The following FAM151B variants were observed in gnomAD, a reference collection of about 807,000 sequenced individuals.
FAM151B encodes the protein family with sequence similarity 151 member B.
A neutral mutation model predicts 31.2 loss-of-function variants in FAM151B; 24 were observed. The ratio of observed to expected loss-of-function variants is 0.77; its 90% CI spans 0.56 to 1.08. The LOEUF (loss-of-function observed/expected upper bound fraction) is 1.08. Ranked by LOEUF, FAM151B falls within the 50% of genes least tolerant of loss-of-function variation. The pLI is 0.00. For missense variants in FAM151B, 293 were observed against 328.6 expected, an observed-to-expected ratio of 0.89 and a Z score of 0.84; for synonymous variants, 105 against 111.4, an observed-to-expected ratio of 0.94 and a Z score of 0.36.
At chr5:80,521,277 A>G (rs1301145329) in intron 4 of FAM151B, among the ~76,000 whole-genome samples, 2 of 151,428 alleles carry the variant, frequency 1.3e-5, no homozygotes, top group African/African-American at 4.9e-5. Flanking sequence ...GGCATACACC[A>G]TCACACACAG....
chr5:80,517,378 A>G (rs558736081), intron 3 of FAM151B, among the ~76,000 whole-genome samples: 27 of 152,268 alleles, frequency 1.8e-4, no homozygotes, highest in African/African-American at 6.5e-4. Flanking sequence ...GATAAGGTGG[A>G]CTACTGTAGA....
At chr5:80,503,072 A>C (rs1324435638) in intron 2 of FAM151B, among the ~76,000 whole-genome samples, 1 of 152,188 alleles carries the variant, frequency 6.6e-6, no homozygotes, top group East Asian at 1.9e-4. Flanking sequence ...AACCTTCTGA[A>C]TACGCTAAAT....
At chr5:80,504,514 C>CT (rs11340979) in intron 2 of FAM151B, among the ~76,000 whole-genome samples, 761 of 58,736 alleles carry the variant, frequency 0.013, 47 homozygotes, top group African/African-American at 0.03. Flanking sequence ...GACTATTACT[C>CT]TTTTTTTTTT....
At chr5:80,538,644 T>C (rs1043763058) in intron 5 of FAM151B, among the ~76,000 whole-genome samples, 1 of 150,324 alleles carries the variant, frequency 6.7e-6, no homozygotes, top group African/African-American at 2.5e-5. Flanking sequence ...TTGCCCAGAC[T>C]GGAGTGCAGT....
At chr5:80,490,763 C>T (rs1360847838) in intron 1 of FAM151B, among the ~76,000 whole-genome samples, 1 of 152,036 alleles carries the variant, frequency 6.6e-6, no homozygotes, top group Non-Finnish European at 1.5e-5. Flanking sequence ...TTTTTATGGC[C>T]AAAAAAGGAA....
At chr5:80,523,574 ATATC>A (rs952354228) in intron 5 of FAM151B, among the ~76,000 whole-genome samples, 53 of 152,300 alleles carry the variant, frequency 3.5e-4, no homozygotes, top group African/African-American at 9.6e-4. Flanking sequence ...AACATTCTAA[ATATC>A]TATCAGTCAG....
chr5:80,494,456 T>TTTCTTTCTTTTCTTTTCTTTC (rs753640131), intron 1 of FAM151B, among the ~76,000 whole-genome samples: 23 of 82,734 alleles, frequency 2.8e-4, no homozygotes, highest in African/African-American at 9.2e-4. Flanking sequence ...TCTTTCTTTC[T>TTTCTTTCTTTTCTTTTCTTTC]TTTCTTTCTT....
chr5:80,532,006 G>T (rs1484030714), intron 5 of FAM151B, among the ~76,000 whole-genome samples: 1 of 149,056 alleles, frequency 6.7e-6, no homozygotes, highest in African/African-American at 2.6e-5. Flanking sequence ...ATCAATGATA[G>T]ACTGGATTAA....
chr5:80,538,485 TCCTTCCTTC>T lies in FAM151B; in HGVS notation c.672-3186_672-3178del, dbSNP rs1561383848. 3.0e-4 allele frequency among the ~76,000 whole-genome samples: 40 copies of T among 134,052 alleles called. 1 individual carries two copies. Among genetic ancestry groups the T allele is most frequent in the African/African-American group, 1.2e-3 (39 of 33,422 alleles). 87.9% of individuals were successfully genotyped at this position (134,052 alleles called of 152,430 possible). On this transcript the variant is annotated intron_variant, in intron 5 of 5. Transcript: ENST00000282226. The stretch of plus-strand genomic sequence containing the variant: ...TTCTTTCTTTCTTTCTTTCTTTCTT[TCCTTCCTTC>T]CTTCCTTTCTTTTCTTTCTTTCCTT...
rs193238950 is a variant in FAM151B at position 80,504,858 on chromosome 5, G to C, written c.151+2941G>C. On this transcript the variant is annotated intron_variant, in intron 2 of 5. Coordinates refer to ENST00000282226, the MANE Select transcript of FAM151B (RefSeq NM_205548.3). ...CCTTTATAACCACACTGATAAAGGA[G>C]ACCTACAACCCCCTTCCCCAACTTC... Among the ~76,000 whole-genome samples, 385 of 152,164 alleles carry C rather than the reference G, an allele frequency of 2.5e-3. 2 individuals carry two copies. Among genetic ancestry groups the C allele is most frequent in the Non-Finnish European group, 4.5e-3 (306 of 67,994 alleles).
chr5:80,512,387 T>C (rs1053223676), intron 2 of FAM151B, among the ~76,000 whole-genome samples: 1 of 152,242 alleles, frequency 6.6e-6, no homozygotes, highest in African/African-American at 2.4e-5. Context: ...TGTTTATGCT[T>C]GCAAAAATGT....
intron 2 of FAM151B, chr5:80,506,151 T>C: frequency 1.0e-6 from 1 of 980,586 alleles, no homozygotes; most frequent in East Asian, 1.1e-4. Context: ...TACAATAAGT[T>C]AATCAGCACT....
intron 5 of FAM151B, among the ~76,000 whole-genome samples, chr5:80,526,543 T>C (rs555320610): frequency 6.6e-6 from 1 of 151,966 alleles, no homozygotes; most frequent in African/African-American, 2.4e-5. Flanking sequence ...TCGCTTGAAT[T>C]TGGGAGATGG....
At chr5:80,504,720 AT>A (rs917174905) in intron 2 of FAM151B, among the ~76,000 whole-genome samples, 11 of 151,922 alleles carry the variant, frequency 7.2e-5, no homozygotes, top group Admixed American at 5.9e-4. Flanking sequence ...GGGTTTCACC[AT>A]GTTGGCTAGG....
chr5:80,529,930 A>G (rs1334633485), intron 5 of FAM151B, among the ~76,000 whole-genome samples: 1 of 152,110 alleles, frequency 6.6e-6, no homozygotes, highest in Non-Finnish European at 1.5e-5. Context: ...CAAAGACACA[A>G]CAAAAAAAGA....
intron 1 of FAM151B, among the ~76,000 whole-genome samples, chr5:80,494,844 C>A (rs927367664): frequency 2.6e-5 from 4 of 151,526 alleles, no homozygotes; most frequent in Non-Finnish European, 5.9e-5. Flanking sequence ...AATAAAACAG[C>A]CTTCTATTGT....
intron 3 of FAM151B, among the ~76,000 whole-genome samples, chr5:80,514,359 C>T (rs1744323012): frequency 6.6e-6 from 1 of 151,968 alleles, no homozygotes; most frequent in East Asian, 1.9e-4. Flanking sequence ...CCTGTAATCA[C>T]AGCTACTGGG....
At chr5:80,511,459 AAG>A (rs1489254701) in intron 2 of FAM151B, among the ~76,000 whole-genome samples, 2 of 150,062 alleles carry the variant, frequency 1.3e-5, no homozygotes, top group African/African-American at 4.9e-5. Flanking sequence ...AAAAAAAAAA[AAG>A]GAAAGAAGAA....
intron 4 of FAM151B, among the ~76,000 whole-genome samples, chr5:80,520,403 G>A (rs542337142): frequency 1.3e-5 from 2 of 151,942 alleles, no homozygotes; most frequent in East Asian, 1.9e-4. Flanking sequence ...ACCACACTTC[G>A]GGAGGCCAAG....
Sources: gnomAD v4.1 joint callset for allele counts (sites outside exome capture counted in the v4.1 genomes callset) on GRCh38, gnomAD v4.1.1 for gene constraint, MANE v1.5 for transcripts, NCBI Gene and HGNC (gene_info 2026-07-23, HGNC 2026-07-21) for gene names.